Variants in ABCA7 observed in about 807,000 individuals in gnomAD.
ABCA7 encodes phospholipid-transporting ATPase ABCA7.
ABCA7 carries 261 observed loss-of-function variants against 227.6 expected under a neutral mutation model. That is an observed-to-expected ratio of 1.15 (90% confidence interval 1.04 to 1.27). The LOEUF (loss-of-function observed/expected upper bound fraction) is 1.27, where lower values mean the gene tolerates loss of function less well. Among genes scored for constraint, ABCA7 ranks in the 50% most tolerant of loss-of-function variants. The probability of loss-of-function intolerance (pLI) is 0.00; values close to 1 mark genes in which losing one functional copy is unlikely to be tolerated. For synonymous variants in ABCA7, 1,488 were observed against 1,279.7 expected (o/e 1.16, Z -3.47); for missense variants, 3,331 against 2,924.5 (o/e 1.14, Z -3.21).
chr19:1,051,889 G>A (rs967773577), intron 21 of ABCA7, 53 bp from the exon 22 acceptor site: 38 of 1,587,760 alleles, frequency 2.4e-5, no homozygotes, highest in Admixed American at 3.4e-5. Flanking sequence ...GCCCCAGCTC[G>A]GGCAAAGACG....
chr19:1,047,399 G>A (rs778008494), intron 15 of ABCA7, 21 bp downstream of exon 15: 10 of 1,554,154 alleles, frequency 6.4e-6, no homozygotes, highest in Non-Finnish European at 2.6e-6. Context: ...GGTCGGGCGT[G>A]GATGGGGGAC....
Position 1,050,957 on chromosome 19 carries a change from C to T in ABCA7, c.2589C>T (p.Gly863=), listed in dbSNP as rs376610333. The T allele has an allele frequency of 6.3e-5, 101 of 1,611,838 alleles. 2 individuals carry two copies. The East Asian group carries it at 1.2e-3, about 20-fold the overall frequency. The change falls in exon 19 of 47, where the codon GGC becomes GGT. Residue 863 remains glycine, a synonymous_variant. Transcript: ENST00000263094. ...GTGGCCTCTTCCCACCCAGTGGTGG[C>T]TCTGCCTTCATCCTGGGCCACGACG... ...ILSGLFPPSG[G]SAFILGHDVR...
chr19:1,062,665 C>T (rs374514340), intron 42 of ABCA7, among the ~76,000 whole-genome samples: 1 of 152,060 alleles, frequency 6.6e-6, no homozygotes, highest in African/African-American at 2.4e-5. Context: ...GCTGGGGTCA[C>T]GGTCACATTC....
In ABCA7 at chr19:1,063,746, T is replaced by A; in HGVS notation, c.5848-14T>A. 1.3e-6 allele frequency: 2 copies of A among 1,548,550 alleles called. No individual in the cohort carries two copies. Among genetic ancestry groups the A allele is most frequent in the Non-Finnish European group, 1.7e-6 (2 of 1,146,974 alleles). On this transcript the variant is annotated splice_polypyrimidine_tract_variant and intron_variant, in intron 43 of 46. Coordinates refer to ENST00000263094, the MANE Select transcript of ABCA7 (RefSeq NM_019112.4). ...AGGCGGGGCCTTGCTTATGGGATCT[T>A]CCGTGCTCCCCAGGACGAGCCGACC...
intron 23 of ABCA7, 100 bp downstream of exon 23, chr19:1,052,386 GA>G: frequency 1.8e-6 from 1 of 554,052 alleles, no homozygotes; most frequent in South Asian, 1.8e-5. Flanking sequence ...GGAGGAGGGG[GA>G]GGAAGCGGCA....
chr19:1,051,072 G>C lies in ABCA7; in HGVS notation c.2684+20G>C, dbSNP rs1007478288. The C allele has an allele frequency of 6.2e-7, 1 of 1,610,640 alleles. No individual in the cohort carries two copies. The highest frequency in any genetic ancestry group is 1.7e-5 in the Admixed American group (1 of 59,894). On this transcript the variant is annotated intron_variant, in intron 19 of 46. Transcript: ENST00000263094. ...TGACATGTGCGTCTCGGCAGGCCCA[G>C]AGTGCAGCGGTGGGAAGGGACTGGA...
At chr19:1,064,741 C>A in intron 45 of ABCA7, 190 bp from the exon 46 acceptor site, 2 of 935,432 alleles carry the variant, frequency 2.1e-6, no homozygotes, top group Non-Finnish European at 3.0e-6. Context: ...ATTAGCTGGA[C>A]ATGGTGGTGT....
At position 1,056,175 on chromosome 19, in the gene ABCA7, G is replaced by T; in HGVS notation, c.4348G>T (p.Ala1450Ser). Reference sequence around the variant, plus strand: ...GCTGCTGAGTCCCCTGCCTGGCGGGGCCCTCGACCGTGTCCTGAAAAACCT... The same window carrying T: ...GCTGCTGAGTCCCCTGCCTGGCGGGTCCCTCGACCGTGTCCTGAAAAACCT... ...WALLSPLPGG[A>S]LDRVLKNLTA... Residue 1450 changes from alanine to serine, a missense_variant, in exon 32 of 47, where the codon GCC becomes TCC. Coordinates refer to ENST00000263094, the MANE Select transcript of ABCA7 (RefSeq NM_019112.4). The surrounding 1 kb of genome is among the most constrained non-coding windows in gnomAD (Gnocchi z 4.3). The T allele has an allele frequency of 1.2e-6, 2 of 1,607,914 alleles. No homozygotes were observed. The highest frequency in any genetic ancestry group is 2.2e-5 in the East Asian group (1 of 44,848).
In ABCA7 at chr19:1,044,991, G is replaced by T; in HGVS notation, c.1216-11G>T. 3 of 1,611,758 alleles carry T rather than the reference G, an allele frequency of 1.9e-6. No homozygotes were observed. The highest frequency in any genetic ancestry group is 2.5e-6 in the Non-Finnish European group (3 of 1,179,524). On this transcript the variant is annotated splice_polypyrimidine_tract_variant and intron_variant, in intron 11 of 46. Transcript: ENST00000263094. The stretch of plus-strand genomic sequence containing the variant: ...ACCCCAGCGCCTAGGACTCACCCCC[G>T]CATCCCACAGTGCCTGTCCTTGGAC...
chr19:1,064,227 G>T lies in ABCA7; in HGVS notation c.6018G>T (p.Leu2006=). ...AIMVNGRFRC[L]GSPQHLKGRF... is the part of the protein sequence containing the mutation. ...TGGTGAATGGGCGGTTCCGCTGCCT[G>T]GGCAGCCCGCAACATCTCAAGGGCA... Residue 2006 remains leucine, a synonymous_variant, in exon 45 of 47, where the codon CTG becomes CTT. Coordinates refer to ENST00000263094, the MANE Select transcript of ABCA7 (RefSeq NM_019112.4). 1 of 1,568,568 alleles carries T rather than the reference G, an allele frequency of 6.4e-7. No individual in the cohort carries two copies. The highest frequency in any genetic ancestry group is 2.4e-5 in the East Asian group (1 of 42,106).
At position 1,058,747 on chromosome 19, in the gene ABCA7, A is replaced by C; in HGVS notation, c.5279A>C (p.Gln1760Pro). The C allele has an allele frequency of 6.2e-7, 1 of 1,613,720 alleles. No individual in the cohort carries two copies. Among genetic ancestry groups the C allele is most frequent in the Non-Finnish European group, 8.5e-7 (1 of 1,179,864 alleles). The change falls in exon 38 of 47, where the codon CAG becomes CCG. Residue 1760 changes from glutamine (Q) to proline (P), a missense_variant and splice_region_variant. Transcript: ENST00000263094. ...LLQHRSQLLP[Q>P]PRVRSLPLLG... ...CAGCACCGAAGCCAACTCCTGCCAC[A>C]GTTAGTGAGGTCTATGGAGAGGGTG...
intron 5 of ABCA7, 34 bp from the exon 6 acceptor site, chr19:1,042,281 C>A (rs769065410): frequency 3.8e-6 from 6 of 1,578,224 alleles, no homozygotes; most frequent in Non-Finnish European, 5.2e-6. Flanking sequence ...CCAACGTCCC[C>A]CCAGCCCCAT....
Position 1,065,360 on chromosome 19 carries a change from C to CTGCAGCA in ABCA7, c.6377_6383dup (p.Pro2129AlafsTer12), listed in dbSNP as rs2042981462. The CTGCAGCA allele has an allele frequency of 2.5e-6, 4 of 1,613,636 alleles. No homozygotes were observed. In the African/African-American group the frequency reaches 5.3e-5, roughly 21 times the overall value. ...AGTGGGAGTGGACCCCGCGCCAGGC[C>CTGCAGCA]TGCAGCACCCCAAACGCGTCAGCCA... is the stretch of plus-strand genomic sequence containing the variant. On this transcript the variant is annotated frameshift_variant, in exon 47 of 47. Coordinates refer to ENST00000263094, the MANE Select transcript of ABCA7 (RefSeq NM_019112.4). LOFTEE classifies it low-confidence loss of function (END_TRUNC).
rs1461201874 is a variant in ABCA7, at chr19:1,053,325, A to C, written c.3221-4A>C. On this transcript the variant is annotated splice_region_variant and splice_polypyrimidine_tract_variant and intron_variant, in intron 23 of 46. Coordinates refer to ENST00000263094, the MANE Select transcript of ABCA7 (RefSeq NM_019112.4). ...CTCCCTGAAGCACCCCTTTGTCCAC[A>C]CAGGCACTCCTCAGCTGCTGGCCCT... 6.2e-7 allele frequency: 1 copy of C among 1,607,876 alleles called. No individual in the cohort carries two copies. The highest frequency in any genetic ancestry group is 1.1e-5 in the South Asian group (1 of 90,612).
rs573789561 is a variant in ABCA7 at position 1,042,584 on chromosome 19, G to A, written c.499-162G>A. ...GTGTCTGACCCAGTGAGGAAGACTC[G>A]TCTGTGAGATCTCCAATGAGTCCCT... On this transcript the variant is annotated intron_variant, in intron 6 of 46. Coordinates refer to ENST00000263094, the MANE Select transcript of ABCA7 (RefSeq NM_019112.4). The A allele has an allele frequency of 6.0e-6, 6 of 1,003,690 alleles. No individual in the cohort carries two copies. The East Asian group carries it at 1.0e-4, about 17-fold the overall frequency. The allele number at this position is 1,003,690 out of a possible 1,614,324, so 62.2% of individuals were successfully genotyped here. A position where few individuals can be genotyped will look rare whatever the true frequency, so the allele number is the denominator to read the frequency against.
At chr19:1,053,710 TAGG>T in intron 24 of ABCA7, 75 bp from the exon 25 acceptor site, 1 of 1,559,478 alleles carries the variant, frequency 6.4e-7, no homozygotes, top group Non-Finnish European at 8.7e-7. Context: ...ACCCATGGTG[TAGG>T]AGGGGTGGGG....
chr19:1,060,679 C>T (rs2042599061), intron 40 of ABCA7, among the ~76,000 whole-genome samples: 1 of 152,008 alleles, frequency 6.6e-6, no homozygotes, highest in Non-Finnish European at 1.5e-5. Context: ...GCCACCACAA[C>T]CGGCTAATTT....
rs767649579 is a variant in ABCA7 at position 1,042,175 on chromosome 19, G to A, written c.414G>A (p.Thr138=). The A allele has an allele frequency of 8.7e-6, 14 of 1,601,078 alleles. No homozygotes were observed. Among genetic ancestry groups the A allele is most frequent in the Admixed American group, 6.7e-5 (4 of 59,852 alleles). ...LIATLRAARS[T]AQPQPTKQSP... ...CCACGCTGAGGGCTGCACGCAGCAC[G>A]GGTGAGGAGGCCGGGGGGCCTCTGG... Residue 138 remains threonine (T), a splice_region_variant and synonymous_variant, in exon 5 of 47, where the codon ACG becomes ACA. Transcript: ENST00000263094.
intron 5 of ABCA7, 39 bp from the exon 6 acceptor site, chr19:1,042,276 G>A (rs536624584): frequency 6.3e-6 from 10 of 1,577,658 alleles, no homozygotes; most frequent in East Asian, 2.3e-5. Context: ...TCAGACCAAC[G>A]TCCCCCCAGC....
Sources: gnomAD v4.1 joint callset for allele counts (sites outside exome capture counted in the v4.1 genomes callset) on GRCh38, gnomAD v4.1.1 for gene constraint, Gnocchi (gnomAD v3.1) non-coding constraint, MANE v1.5 for transcripts, NCBI Gene and HGNC (gene_info 2026-07-23, HGNC 2026-07-21) for gene names.